MEF2C: variants seen among roughly 807,000 people sequenced by gnomAD.
MEF2C encodes myocyte-specific enhancer factor 2C.
MEF2C carries 6 observed loss-of-function variants against 50.5 expected under a neutral mutation model. The ratio of observed to expected loss-of-function variants is 0.12; its 90% CI spans 0.07 to 0.23. The LOEUF is 0.23. Among genes scored for constraint, MEF2C ranks in the 10% least tolerant of loss-of-function variants. The pLI, the probability that MEF2C is intolerant of heterozygous loss-of-function variation, is 1.00. For synonymous variants in MEF2C, 183 were observed against 228.0 expected, an observed-to-expected ratio of 0.80 and a Z score of 1.78; for missense variants, 276 against 605.0, an observed-to-expected ratio of 0.46 and a Z score of 5.70.
At chr5:88,754,604 C>A (rs1016469733) in intron 4 of MEF2C, among the ~76,000 whole-genome samples, 14 of 152,148 alleles carry the variant, frequency 9.2e-5, no homozygotes, top group Admixed American at 3.3e-4. Flanking sequence ...CTTTGGGTAT[C>A]AAAATGACTG....
At chr5:88,843,845 T>C (rs535357442) in intron 1 of MEF2C, among the ~76,000 whole-genome samples, 102 of 150,996 alleles carry the variant, frequency 6.8e-4, no homozygotes, top group African/African-American at 2.4e-3. Flanking sequence ...CTTGCTGCTC[T>C]GTCACCCAGG....
At chr5:88,765,349 G>A (rs1224905903) in intron 3 of MEF2C, among the ~76,000 whole-genome samples, 1 of 152,106 alleles carries the variant, frequency 6.6e-6, no homozygotes, top group Non-Finnish European at 1.5e-5. Flanking sequence ...TTTCTGCCAA[G>A]AACAAATGAT....
intron 3 of MEF2C, among the ~76,000 whole-genome samples, chr5:88,779,600 T>TG (rs1491274200): frequency 1.7e-5 from 2 of 118,998 alleles, no homozygotes; most frequent in East Asian, 4.3e-4. Context: ...TTTGTGTAGG[T>TG]TTGTGTGTGT....
At chr5:88,873,424 C>T (rs1047445026) in intron 1 of MEF2C, among the ~76,000 whole-genome samples, 2 of 151,910 alleles carry the variant, frequency 1.3e-5, no homozygotes, top group African/African-American at 4.8e-5. Flanking sequence ...TTCACGATAC[C>T]AAATACTTTG....
intron 9 of MEF2C, 65 bp downstream of exon 9, chr5:88,729,153 T>G (rs749479926): frequency 3.1e-6 from 5 of 1,595,592 alleles, no homozygotes; most frequent in South Asian, 1.1e-5. Flanking sequence ...AAAAGATAAC[T>G]TTTTCATCTT....
At position 88,823,539 on chromosome 5, in the gene MEF2C, T is replaced by C. The variant is rs528723226; in HGVS notation, c.54+196A>G. On this transcript the variant is annotated intron_variant, in intron 2 of 10. Coordinates refer to ENST00000504921, the MANE Select transcript of MEF2C (RefSeq NM_002397.5). ...AGTGAATAATGACAAATGTGTAAAC[T>C]ATGTTTCTGACAGATAAAGTGATTT... is the stretch of plus-strand genomic sequence containing the variant. Among the ~76,000 whole-genome samples, 23 of 152,084 alleles carry C rather than the reference T, an allele frequency of 1.5e-4. 1 individual carries two copies. The highest frequency in any genetic ancestry group is 5.3e-4 in the African/African-American group (22 of 41,534).
At chr5:88,731,259 C>A (rs1761421868) in intron 7 of MEF2C, among the ~76,000 whole-genome samples, 1 of 152,064 alleles carries the variant, frequency 6.6e-6, no homozygotes, top group South Asian at 2.1e-4. Flanking sequence ...TGCAATACAT[C>A]TAAGAAAGGA....
intron 1 of MEF2C, among the ~76,000 whole-genome samples, chr5:88,850,873 C>T (rs1012649999): frequency 6.6e-6 from 1 of 151,780 alleles, no homozygotes; most frequent in Non-Finnish European, 1.5e-5. Flanking sequence ...CAAGACCAAC[C>T]CCTCTCTTCG....
intron 2 of MEF2C, among the ~76,000 whole-genome samples, chr5:88,805,118 A>G (rs567594858): frequency 2.0e-5 from 3 of 152,282 alleles, no homozygotes; most frequent in African/African-American, 7.2e-5. Context: ...TAATTTCAGC[A>G]TGGTTAGCAT....
At chr5:88,809,612 A>C (rs1279340019) in intron 2 of MEF2C, among the ~76,000 whole-genome samples, 2 of 152,184 alleles carry the variant, frequency 1.3e-5, no homozygotes, top group African/African-American at 4.8e-5. Flanking sequence ...CATATCTAAT[A>C]ATCTGAATTC....
intron 3 of MEF2C, among the ~76,000 whole-genome samples, chr5:88,779,597 A>G (rs1488407849): frequency 4.1e-5 from 5 of 123,326 alleles, no homozygotes; most frequent in Non-Finnish European, 1.8e-5. Flanking sequence ...AGGTTTGTGT[A>G]GGTTTGTGTG....
At chr5:88,748,207 C>A in intron 6 of MEF2C, 1 of 983,128 alleles carries the variant, frequency 1.0e-6, no homozygotes, top group Non-Finnish European at 1.2e-6. Flanking sequence ...TTCTACTTGA[C>A]CCTGGCAAAA....
rs560714516 is a variant in MEF2C at position 88,771,499 on chromosome 5, T to G, written c.259-10171A>C. 3 of 985,410 alleles carry G rather than the reference T, an allele frequency of 3.0e-6. No homozygotes were observed. In the East Asian group the frequency reaches 3.4e-4, roughly 112 times the overall value. The allele number at this position is 985,410 out of a possible 1,614,324, so 61.0% of individuals were successfully genotyped here. A position where few individuals can be genotyped will look rare whatever the true frequency, so the allele number is the denominator to read the frequency against. ...GTACCTGTACAGTCCTTGACCTCTT[T>G]TTTATATGTGGTATGTTATACTGTA... On this transcript the variant is annotated intron_variant, in intron 3 of 10. Transcript: ENST00000504921.
chr5:88,818,766 C>T (rs192165504), intron 2 of MEF2C, among the ~76,000 whole-genome samples: 9 of 152,014 alleles, frequency 5.9e-5, no homozygotes, highest in South Asian at 2.1e-4. Context: ...CTACCTGTTC[C>T]ACTTTTCCAT....
At chr5:88,876,275 G>C (rs1279763181) in intron 1 of MEF2C, among the ~76,000 whole-genome samples, 1 of 151,388 alleles carries the variant, frequency 6.6e-6, no homozygotes, top group East Asian at 1.9e-4. Context: ...GTGTTCTTCT[G>C]TGTGTGTGTG....
At chr5:88,742,095 T>A (rs1317568966) in intron 6 of MEF2C, 3 of 985,292 alleles carry the variant, frequency 3.0e-6, no homozygotes, top group Non-Finnish European at 3.6e-6. Flanking sequence ...GATTATACTC[T>A]TGGCTGACAG....
chr5:88,726,512 A>T (rs934523751), intron 10 of MEF2C, among the ~76,000 whole-genome samples: 9 of 152,036 alleles, frequency 5.9e-5, no homozygotes, highest in African/African-American at 2.2e-4. Context: ...GGGAGAAAAG[A>T]GTGTGTGTGA....
chr5:88,741,584 T>C, intron 6 of MEF2C: 1 of 984,860 alleles, frequency 1.0e-6, no homozygotes, highest in African/African-American at 1.7e-5. Context: ...TTTTCTTGAT[T>C]GTTATGTAAA....
rs752704740 is a variant in MEF2C, at chr5:88,823,813, C to T, written c.-25G>A. ...TAGTCCCCGTTTTTCTTCTCTCTCTCGTCCCTGAAATTATGTATTTTTTCC... is the reference window on the plus strand; with the variant it reads ...TAGTCCCCGTTTTTCTTCTCTCTCTTGTCCCTGAAATTATGTATTTTTTCC... On this transcript the variant is annotated 5_prime_UTR_variant, in exon 2 of 11. Coordinates refer to ENST00000504921, the MANE Select transcript of MEF2C (RefSeq NM_002397.5). 1.2e-5 allele frequency: 20 copies of T among 1,605,504 alleles called. No homozygotes were observed. Among genetic ancestry groups the T allele is most frequent in the South Asian group, 3.4e-5 (3 of 89,540 alleles).
Sources: gnomAD v4.1 joint callset for allele counts (sites outside exome capture counted in the v4.1 genomes callset) on GRCh38, gnomAD v4.1.1 for gene constraint, MANE v1.5 for transcripts, NCBI Gene and HGNC (gene_info 2026-07-23, HGNC 2026-07-21) for gene names.